The following EIF4G3 variants were observed in gnomAD, a reference collection of about 807,000 sequenced individuals.
EIF4G3 encodes eukaryotic translation initiation factor 4 gamma 3.
Under a neutral mutation model 186.4 loss-of-function variants are expected in EIF4G3, and 34 were observed. That is an observed-to-expected ratio of 0.18 (90% CI 0.14 to 0.24). The LOEUF (loss-of-function observed/expected upper bound fraction) is 0.24, where lower values mean the gene tolerates loss of function less well. Ranked by LOEUF, EIF4G3 falls within the 10% of genes least tolerant of loss-of-function variation. EIF4G3 has a pLI of 1.00. For synonymous variants in EIF4G3, 673 were observed against 679.5 expected, an observed-to-expected ratio of 0.99 and a Z score of 0.15; for missense variants, 1,536 against 1,948.5, an observed-to-expected ratio of 0.79 and a Z score of 3.99.
chr1:21,148,673 G>A (rs2097496677), intron 2 of EIF4G3, among the ~76,000 whole-genome samples: 1 of 145,178 alleles, frequency 6.9e-6, no homozygotes, highest in African/African-American at 2.6e-5. Flanking sequence ...CTGCACTCCA[G>A]CCTGGGCGAC....
At chr1:20,962,390 C>A (rs947701796) in intron 12 of EIF4G3, among the ~76,000 whole-genome samples, 1 of 152,098 alleles carries the variant, frequency 6.6e-6, no homozygotes, top group Non-Finnish European at 1.5e-5. Context: ...AGAGAAAATA[C>A]ATTTCCAATA....
chr1:20,970,177 A>G (rs1484394546), intron 11 of EIF4G3, among the ~76,000 whole-genome samples: 1 of 152,170 alleles, frequency 6.6e-6, no homozygotes, highest in Non-Finnish European at 1.5e-5. Flanking sequence ...CTTTACCAAA[A>G]TAAAAAATAT....
Position 20,869,810 on chromosome 1 carries a change from G to T in EIF4G3, c.2623-4548C>A, listed in dbSNP as rs1260043766. ...AAAAAAAAAAAAAGTGAAGTAAACA[G>T]CAATATGGTAATTAAAAAAAAATTG... On this transcript the variant is annotated intron_variant, in intron 20 of 36. Coordinates refer to ENST00000602326, the MANE Select transcript of EIF4G3 (RefSeq NM_001391906.1). Among the ~76,000 whole-genome samples, 11 of 135,396 alleles carry T rather than the reference G, an allele frequency of 8.1e-5. No homozygotes were observed. In the East Asian group the frequency reaches 2.4e-3, roughly 29 times the overall value. 88.8% of individuals were successfully genotyped at this position (135,396 alleles called of 152,430 possible).
chr1:20,977,890 T>C (rs911160027), intron 10 of EIF4G3, among the ~76,000 whole-genome samples: 3 of 152,160 alleles, frequency 2.0e-5, no homozygotes, highest in Admixed American at 2.0e-4. Flanking sequence ...GGCACAGACT[T>C]ACAGCAGGAA....
chr1:21,062,692 C>A (rs2094986103), intron 3 of EIF4G3, among the ~76,000 whole-genome samples: 1 of 152,128 alleles, frequency 6.6e-6, no homozygotes, highest in Non-Finnish European at 1.5e-5. Flanking sequence ...CGGGTTCAAG[C>A]GATTCTCCTG....
At chr1:21,026,409 C>T (rs1195958702) in intron 4 of EIF4G3, among the ~76,000 whole-genome samples, 1 of 151,484 alleles carries the variant, frequency 6.6e-6, no homozygotes, top group Non-Finnish European at 1.5e-5. Flanking sequence ...TAGATTAAGA[C>T]CAAAATGTAA....
chr1:21,031,409 GAGAGA>G (rs1308936787), intron 4 of EIF4G3, among the ~76,000 whole-genome samples: 1 of 150,698 alleles, frequency 6.6e-6, no homozygotes, highest in Non-Finnish European at 1.5e-5. Context: ...AAAAGAGGGA[GAGAGA>G]GCTGTTTATG....
Position 20,817,454 on chromosome 1 carries a change from G to C in EIF4G3, c.4453C>G (p.Arg1485Gly). 1 of 1,609,152 alleles carries C rather than the reference G, an allele frequency of 6.2e-7. No homozygotes were observed. Among genetic ancestry groups the C allele is most frequent in the Non-Finnish European group, 8.5e-7 (1 of 1,177,308 alleles). Residue 1485 changes from arginine to glycine, a missense_variant, in exon 34 of 37, where the codon CGA becomes GGA. Around this residue, in one of 11 missense-constraint regions of EIF4G3, gnomAD observed 395 missense variants for 498.9 expected, o/e 0.79. Coordinates refer to ENST00000602326, the MANE Select transcript of EIF4G3 (RefSeq NM_001391906.1). ...TCCTCAATAATGAGTTTCTCGAGTC[G>C]CTTATACAGCTCTTCGGCAGACAGT... ...KELSAEELYK[R>G]LEKLIIEDKA...
At chr1:21,003,729 T>C in intron 4 of EIF4G3, 1 of 436,600 alleles carries the variant, frequency 2.3e-6, no homozygotes, top group South Asian at 1.7e-5. Flanking sequence ...TCCACACTTG[T>C]TTAACCTGCC....
intron 2 of EIF4G3, chr1:21,175,917 G>T: frequency 5.1e-6 from 1 of 195,810 alleles, no homozygotes; most frequent in Non-Finnish European, 1.0e-5. Flanking sequence ...GGGACCCCAA[G>T]CTCTAAAAGG....
intron 4 of EIF4G3, among the ~76,000 whole-genome samples, chr1:21,022,070 G>A (rs555640344): frequency 6.0e-4 from 91 of 152,210 alleles, no homozygotes; most frequent in African/African-American, 2.0e-3. Flanking sequence ...ATACCTCAAC[G>A]ATGGCACTAA....
chr1:21,030,371 G>A (rs1017869283), intron 4 of EIF4G3, among the ~76,000 whole-genome samples: 4 of 152,136 alleles, frequency 2.6e-5, no homozygotes, highest in Admixed American at 6.6e-5. Context: ...TGGGTGTCAC[G>A]TGATCTGATG....
chr1:20,855,535 T>G (rs1222332579), intron 25 of EIF4G3, among the ~76,000 whole-genome samples: 2 of 152,146 alleles, frequency 1.3e-5, no homozygotes, highest in African/African-American at 2.4e-5. Context: ...CAATAAAGAA[T>G]AAGAAGAAAG....
chr1:21,042,379 T>C (rs1046658793), intron 4 of EIF4G3, among the ~76,000 whole-genome samples: 1 of 152,216 alleles, frequency 6.6e-6, no homozygotes, highest in African/African-American at 2.4e-5. Context: ...TAAGTTAATC[T>C]CTCTTTACTA....
intron 2 of EIF4G3, among the ~76,000 whole-genome samples, chr1:21,131,940 C>A (rs1406177360): frequency 6.6e-6 from 1 of 151,566 alleles, no homozygotes; most frequent in Non-Finnish European, 1.5e-5. Context: ...CTACTGCACT[C>A]CAGCCTGGGA....
At chr1:20,841,088 A>C in intron 29 of EIF4G3, 60 bp from the exon 30 acceptor site, 1 of 1,553,802 alleles carries the variant, frequency 6.4e-7, no homozygotes, top group Admixed American at 1.9e-5. Context: ...CAGAATGTTA[A>C]GATAACTTTA....
At chr1:20,815,673 G>A (rs1461099831) in intron 34 of EIF4G3, among the ~76,000 whole-genome samples, 17 of 144,318 alleles carry the variant, frequency 1.2e-4, no homozygotes, top group East Asian at 1.1e-3. Flanking sequence ...CCCCCCGCCC[G>A]GCCAGCCGCC....
intron 3 of EIF4G3, among the ~76,000 whole-genome samples, chr1:21,081,264 C>T (rs2095772275): frequency 6.6e-6 from 1 of 152,100 alleles, no homozygotes; most frequent in African/African-American, 2.4e-5. Flanking sequence ...AACCCCGTCT[C>T]TACTAAAAAT....
At chr1:20,854,472 T>A (rs2074267913) in intron 26 of EIF4G3, among the ~76,000 whole-genome samples, 1 of 149,870 alleles carries the variant, frequency 6.7e-6, no homozygotes, top group Admixed American at 6.7e-5. Flanking sequence ...GGTGGGAGGA[T>A]CACTGCAGCC....
Sources: gnomAD v4.1 joint callset for allele counts (sites outside exome capture counted in the v4.1 genomes callset) on GRCh38, gnomAD v4.1.1 for gene constraint, gnomAD v4.1.1 regional missense constraint, MANE v1.5 for transcripts, NCBI Gene and HGNC (gene_info 2026-07-23, HGNC 2026-07-21) for gene names.